The following DRC11 variants were observed in gnomAD, a reference collection of about 807,000 sequenced individuals.
The protein encoded by DRC11 is IQ and AAA domain-containing protein 1.
the DRC11 span, chr2:236,407,804 C>A: frequency 3.7e-6 from 1 of 268,708 alleles, no homozygotes; most frequent in South Asian, 4.1e-5. Flanking sequence ...TGGAAAATAA[C>A]TTTTAGTGAG....
At chr2:236,464,763 C>T in the DRC11 span, among the ~76,000 whole-genome samples, 1 of 151,930 alleles carries the variant, frequency 6.6e-6, no homozygotes, top group Non-Finnish European at 1.5e-5. Context: ...TGGCCTGGTG[C>T]TGTCCTTGCT....
At chr2:236,363,702 A>G in the DRC11 span, 4 of 1,124,120 alleles carry the variant, frequency 3.6e-6, no homozygotes, top group Non-Finnish European at 5.3e-6. The surrounding 1 kb of genome is among the most constrained non-coding windows in gnomAD (Gnocchi z 5.6). Flanking sequence ...TTGTCTGCCA[A>G]TGGAAATTAT....
the DRC11 span, chr2:236,419,123 T>C: frequency 1.1e-5 from 17 of 1,510,428 alleles, no homozygotes; most frequent in Non-Finnish European, 1.5e-5. This position sits in a 1 kb window ranked among gnomAD's most constrained non-coding sequence, Gnocchi z 4.8. Flanking sequence ...AAATCAAATT[T>C]CTAAAATTTC....
At chr2:236,357,287 T>C in the DRC11 span, among the ~76,000 whole-genome samples, 7 of 109,450 alleles carry the variant, frequency 6.4e-5, no homozygotes, top group African/African-American at 2.0e-4. Flanking sequence ...ATTATATATT[T>C]ATATATTATA....
chr2:236,403,312 GGAGA>G, the DRC11 span, among the ~76,000 whole-genome samples: 1 of 151,816 alleles, frequency 6.6e-6, no homozygotes, highest in Non-Finnish European at 1.5e-5. Flanking sequence ...TGGAGTGGCG[GGAGA>G]GAGAGAGAGG....
the DRC11 span, among the ~76,000 whole-genome samples, chr2:236,506,025 G>A: frequency 3.3e-5 from 5 of 152,164 alleles, no homozygotes; most frequent in Non-Finnish European, 7.3e-5. The surrounding 1 kb of genome is among the most constrained non-coding windows in gnomAD (Gnocchi z 4.9). Flanking sequence ...CACTGAATCA[G>A]CTCCTGTCAA....
chr2:236,335,905 A>G, the DRC11 span, among the ~76,000 whole-genome samples: 3 of 146,088 alleles, frequency 2.1e-5, no homozygotes, highest in African/African-American at 7.8e-5. The surrounding 1 kb of genome is among the most constrained non-coding windows in gnomAD (Gnocchi z 5.6). Context: ...TCTCGGCTGG[A>G]CAGCGCTGCC....
the DRC11 span, among the ~76,000 whole-genome samples, chr2:236,399,168 T>G: frequency 1.3e-5 from 2 of 152,070 alleles, no homozygotes; most frequent in Non-Finnish European, 2.9e-5. The surrounding 1 kb of genome is among the most constrained non-coding windows in gnomAD (Gnocchi z 7.0). Flanking sequence ...TTTTTTTATT[T>G]TTGAAGAGAT....
the DRC11 span, among the ~76,000 whole-genome samples, chr2:236,447,335 G>A: frequency 5.3e-5 from 8 of 151,616 alleles, no homozygotes; most frequent in Non-Finnish European, 1.0e-4. The surrounding 1 kb of genome is among the most constrained non-coding windows in gnomAD (Gnocchi z 4.6). Flanking sequence ...TGGTGTCCTC[G>A]TGAGAAGAAG....
At chr2:236,414,719 T>C in the DRC11 span, among the ~76,000 whole-genome samples, 5 of 152,232 alleles carry the variant, frequency 3.3e-5, no homozygotes, top group Admixed American at 6.5e-5. Context: ...TATCTCAGTA[T>C]GGAGGGGCTC....
At chr2:236,455,543 T>C in the DRC11 span, among the ~76,000 whole-genome samples, 2 of 152,180 alleles carry the variant, frequency 1.3e-5, no homozygotes, top group African/African-American at 4.8e-5. This position sits in a 1 kb window ranked among gnomAD's most constrained non-coding sequence, Gnocchi z 5.7. Context: ...AGACGCGACA[T>C]TCTGTCCATT....
the DRC11 span, among the ~76,000 whole-genome samples, chr2:236,480,201 A>G: frequency 2.6e-5 from 4 of 151,886 alleles, no homozygotes; most frequent in African/African-American, 9.7e-5. Flanking sequence ...AGAGTTTATT[A>G]TATACCTTGG....
chr2:236,490,110 C>T, the DRC11 span, among the ~76,000 whole-genome samples: 2 of 152,078 alleles, frequency 1.3e-5, no homozygotes, highest in Non-Finnish European at 2.9e-5. This position sits in a 1 kb window ranked among gnomAD's most constrained non-coding sequence, Gnocchi z 5.5. Context: ...TGCAACAAGG[C>T]CAGGGTCAGG....
chr2:236,320,135 C>T, the DRC11 span, among the ~76,000 whole-genome samples: 562 of 152,310 alleles, frequency 3.7e-3, 2 homozygotes, highest in African/African-American at 0.013. Context: ...CCTGCACTGA[C>T]GAATGAATGA....
chr2:236,319,292 T>C, the DRC11 span, among the ~76,000 whole-genome samples: 11 of 152,128 alleles, frequency 7.2e-5, no homozygotes, highest in African/African-American at 2.7e-4. The surrounding 1 kb of genome is among the most constrained non-coding windows in gnomAD (Gnocchi z 6.7). Flanking sequence ...ACGGCTCAGT[T>C]TACTCCTCAC....
the DRC11 span, among the ~76,000 whole-genome samples, chr2:236,462,306 C>A: frequency 6.6e-6 from 1 of 152,106 alleles, no homozygotes; most frequent in Non-Finnish European, 1.5e-5. This position sits in a 1 kb window ranked among gnomAD's most constrained non-coding sequence, Gnocchi z 6.4. Context: ...GTGGCAGAAA[C>A]CATGGGCTGC....
the DRC11 span, among the ~76,000 whole-genome samples, chr2:236,308,936 C>T: frequency 6.6e-6 from 1 of 152,196 alleles, no homozygotes; most frequent in Admixed American, 6.5e-5. The surrounding 1 kb of genome is among the most constrained non-coding windows in gnomAD (Gnocchi z 6.0). Context: ...CGTGCTTCTG[C>T]TGCAGGGGAG....
chr2:236,416,752 T>A, the DRC11 span, among the ~76,000 whole-genome samples: 1 of 64,296 alleles, frequency 1.6e-5, no homozygotes, highest in African/African-American at 6.0e-5. Flanking sequence ...TATATATATA[T>A]ATATATATAT....
At chr2:236,414,380 T>A in the DRC11 span, among the ~76,000 whole-genome samples, 1 of 152,212 alleles carries the variant, frequency 6.6e-6, no homozygotes, top group Admixed American at 6.5e-5. Flanking sequence ...CATGACCGAT[T>A]TTGAGTTTAA....
Sources: allele counts gnomAD v4.1 joint callset (sites outside exome capture counted in the v4.1 genomes callset), GRCh38; gene constraint gnomAD v4.1.1; non-coding constraint Gnocchi (gnomAD v3.1); transcripts MANE v1.5; gene names NCBI Gene and HGNC (gene_info 2026-07-23, HGNC 2026-07-21).